Variants in GABRA2 observed in about 807,000 individuals in gnomAD.
The protein encoded by GABRA2 is gamma-aminobutyric acid type A receptor subunit alpha2.
A neutral mutation model predicts 48.7 loss-of-function variants in GABRA2; 16 were observed. That is an observed-to-expected ratio of 0.33 (90% CI 0.22 to 0.50). GABRA2 has a LOEUF of 0.50. GABRA2 is among the 20% of genes least tolerant of loss of function. The pLI, the probability that GABRA2 is intolerant of heterozygous loss-of-function variation, is 0.98. For missense variants in GABRA2, 275 were observed against 535.6 expected, an observed-to-expected ratio of 0.51 and a Z score of 4.80; for synonymous variants, 185 against 184.5, an observed-to-expected ratio of 1.00 and a Z score of -0.02.
At chr4:46,253,751 T>C (rs1715260417) in intron 9 of GABRA2, among the ~76,000 whole-genome samples, 1 of 151,442 alleles carries the variant, frequency 6.6e-6, no homozygotes, top group Non-Finnish European at 1.5e-5. Context: ...TGTAATTTCC[T>C]ACCAATTCAC....
intron 4 of GABRA2, among the ~76,000 whole-genome samples, chr4:46,330,852 C>G (rs1191819879): frequency 6.6e-6 from 1 of 151,936 alleles, no homozygotes; most frequent in African/African-American, 2.4e-5. Flanking sequence ...AATTCTGACT[C>G]TACTTGATTT....
intron 8 of GABRA2, among the ~76,000 whole-genome samples, chr4:46,295,775 C>A (rs1418936013): frequency 6.6e-6 from 1 of 152,156 alleles, no homozygotes; most frequent in African/African-American, 2.4e-5. Flanking sequence ...TGGACCTCTT[C>A]CATCATGGAA....
chr4:46,278,034 G>T (rs1267765227), intron 8 of GABRA2, among the ~76,000 whole-genome samples: 1 of 152,086 alleles, frequency 6.6e-6, no homozygotes, highest in African/African-American at 2.4e-5. Flanking sequence ...TAGATAGTCA[G>T]ATATAAAAAA....
At chr4:46,348,292 T>G (rs938104791) in intron 3 of GABRA2, among the ~76,000 whole-genome samples, 3 of 151,910 alleles carry the variant, frequency 2.0e-5, no homozygotes, top group African/African-American at 4.8e-5. Flanking sequence ...CTGGAGAGGA[T>G]GTGGAGAAAT....
At chr4:46,354,233 T>C (rs1046152950) in intron 3 of GABRA2, among the ~76,000 whole-genome samples, 22 of 152,156 alleles carry the variant, frequency 1.4e-4, no homozygotes, top group African/African-American at 4.8e-4. Flanking sequence ...AGAGCCAATA[T>C]TGAAACTCAT....
At chr4:46,353,255 GA>G (rs1364445455) in intron 3 of GABRA2, among the ~76,000 whole-genome samples, 8 of 152,002 alleles carry the variant, frequency 5.3e-5, no homozygotes, top group African/African-American at 1.7e-4. Flanking sequence ...AATATATCCA[GA>G]TTCCTATCAC....
intron 3 of GABRA2, chr4:46,364,876 T>C (rs2109974445): frequency 6.6e-6 from 1 of 152,290 alleles, no homozygotes; most frequent in African/African-American, 2.4e-5. Context: ...GTCACAGAAA[T>C]CATACAGGGC....
At chr4:46,327,162 G>A (rs1168652156) in intron 4 of GABRA2, among the ~76,000 whole-genome samples, 14 of 151,492 alleles carry the variant, frequency 9.2e-5, no homozygotes, top group Admixed American at 6.6e-4. Context: ...ACCTTCCTCC[G>A]CCTCTTCACC....
intron 3 of GABRA2, among the ~76,000 whole-genome samples, chr4:46,332,908 C>T (rs1048965594): frequency 1.3e-5 from 2 of 152,112 alleles, no homozygotes; most frequent in African/African-American, 4.8e-5. Context: ...GACATTCTTA[C>T]TTGGAATCCA....
At chr4:46,310,880 C>A (rs911409609) in intron 5 of GABRA2, among the ~76,000 whole-genome samples, 3 of 152,000 alleles carry the variant, frequency 2.0e-5, no homozygotes, top group Non-Finnish European at 2.9e-5. Flanking sequence ...ATGATTACAA[C>A]AAAGAGTAGT....
At chr4:46,362,310 C>G (rs965101490) in intron 3 of GABRA2, among the ~76,000 whole-genome samples, 18 of 152,138 alleles carry the variant, frequency 1.2e-4, no homozygotes, top group Non-Finnish European at 2.4e-4. Context: ...TGCACAAGCT[C>G]TCTCTCTGCC....
chr4:46,313,226 AG>A (rs530776274), intron 4 of GABRA2, among the ~76,000 whole-genome samples: 137 of 151,314 alleles, frequency 9.1e-4, no homozygotes, highest in African/African-American at 2.7e-3. Context: ...AAAATTAAAA[AG>A]AAAAAAACAC....
At chr4:46,332,580 T>C (rs41309286) in intron 4 of GABRA2, 35 bp downstream of exon 4, 2 of 1,238,226 alleles carry the variant, frequency 1.6e-6, no homozygotes, top group South Asian at 1.2e-5. Flanking sequence ...CTCCCCATTA[T>C]GTGAAGTAAA....
rs1718026731 is a variant in GABRA2, at chr4:46,389,888, G to T, written c.-164C>A. On this transcript the variant is annotated 5_prime_UTR_variant, in exon 1 of 10. Coordinates refer to ENST00000381620, the MANE Select transcript of GABRA2 (RefSeq NM_000807.4). Reference sequence around the variant, plus strand: ...CCGAGACTGCAGCAGCCAAGAGAGCGTGGAGCGATGGGCTGGTGGAAGCCG... The same window carrying T: ...CCGAGACTGCAGCAGCCAAGAGAGCTTGGAGCGATGGGCTGGTGGAAGCCG... 2.0e-6 allele frequency: 2 copies of T among 983,558 alleles called. No individual in the cohort carries two copies. Among genetic ancestry groups the T allele is most frequent in the Non-Finnish European group, 2.4e-6 (2 of 830,342 alleles). The allele number at this position is 983,558 out of a possible 1,614,324, so 60.9% of individuals were successfully genotyped here.
At chr4:46,315,938 T>TACAC (rs746345628) in intron 4 of GABRA2, among the ~76,000 whole-genome samples, 7 of 140,834 alleles carry the variant, frequency 5.0e-5, no homozygotes, top group East Asian at 2.0e-4. Context: ...ATTTAGTACA[T>TACAC]ATATACACAC....
At chr4:46,251,643 G>A (rs573646750) in intron 9 of GABRA2, among the ~76,000 whole-genome samples, 2 of 151,456 alleles carry the variant, frequency 1.3e-5, no homozygotes, top group South Asian at 2.1e-4. Context: ...ACTTTCTTAA[G>A]GTCACTCTAA....
chr4:46,336,983 G>T (rs1054111159), intron 3 of GABRA2, among the ~76,000 whole-genome samples: 4 of 151,828 alleles, frequency 2.6e-5, no homozygotes, highest in African/African-American at 9.7e-5. Flanking sequence ...ATGTAGTATA[G>T]AATAACAATA....
intron 8 of GABRA2, among the ~76,000 whole-genome samples, chr4:46,296,309 T>A (rs1391959791): frequency 6.6e-6 from 1 of 152,116 alleles, no homozygotes; most frequent in African/African-American, 2.4e-5. Context: ...GGCCTAGAGA[T>A]CTTAGTTCCA....
In GABRA2 at chr4:46,287,485, T is replaced by C. The variant is rs924510632; in HGVS notation, c.856+15975A>G. Among the ~76,000 whole-genome samples, 6 of 151,464 alleles carry C rather than the reference T, an allele frequency of 4.0e-5. No individual in the cohort carries two copies. In the East Asian group the frequency reaches 9.7e-4, roughly 25 times the overall value. ...TGAGTTCATGTCCTTTGTAGGGACA[T>C]GGATGAAATTGGAAATCATCATTCT... On this transcript the variant is annotated intron_variant, in intron 8 of 9. Coordinates refer to ENST00000381620, the MANE Select transcript of GABRA2 (RefSeq NM_000807.4).
Sources: allele counts gnomAD v4.1 joint callset (sites outside exome capture counted in the v4.1 genomes callset), GRCh38; gene constraint gnomAD v4.1.1; transcripts MANE v1.5; gene names NCBI Gene and HGNC (gene_info 2026-07-23, HGNC 2026-07-21).